DEF6: variants seen among roughly 807,000 people sequenced by gnomAD.
DEF6 encodes the protein DEF6 guanine nucleotide exchange factor, also known as differentially expressed in FDCP 6 homolog.
A neutral mutation model predicts 80.5 loss-of-function variants in DEF6; 32 were observed. The observed-to-expected ratio is 0.40, with a 90% CI of 0.30 to 0.53. The LOEUF (loss-of-function observed/expected upper bound fraction) is 0.53. Ranked by LOEUF, DEF6 falls within the 20% of genes least tolerant of loss-of-function variation. The probability of loss-of-function intolerance (pLI) is 0.57; values close to 1 mark genes in which losing one functional copy is unlikely to be tolerated. For synonymous variants in DEF6, 300 were observed against 337.9 expected (o/e 0.89, Z 1.23); for missense variants, 575 against 818.7 (o/e 0.70, Z 3.63).
In DEF6 at chr6:35,312,479, A is replaced by G; in HGVS notation, c.601A>G (p.Thr201Ala). 1.2e-6 allele frequency: 2 copies of G among 1,614,074 alleles called. No individual in the cohort carries two copies. Among genetic ancestry groups the G allele is most frequent in the Non-Finnish European group, 1.7e-6 (2 of 1,180,036 alleles). Residue 201 changes from threonine to alanine, a missense_variant, in exon 4 of 11, where the codon ACC becomes GCC. By Grantham distance (58) the Thr-to-Ala change is moderately conservative. Transcript: ENST00000316637. This position sits in a 1 kb window ranked among gnomAD's most constrained non-coding sequence, Gnocchi z 6.6. ...GRCLRGVGRD[T>A]LSMAIHEVYQ... ...CTGCCTGCGGGGCGTGGGCCGGGAC[A>G]CCCTCAGCATGGCCATCCACGAGGT... is the stretch of plus-strand genomic sequence containing the variant.
In DEF6 at chr6:35,312,600, G is replaced by A. The variant is rs1411287456; in HGVS notation, c.661-26G>A. 1 of 1,614,214 alleles carries A rather than the reference G, an allele frequency of 6.2e-7. No individual in the cohort carries two copies. Among genetic ancestry groups the A allele is most frequent in the Non-Finnish European group, 8.5e-7 (1 of 1,180,022 alleles). On this transcript the variant is annotated intron_variant, in intron 4 of 10. Coordinates refer to ENST00000316637, the MANE Select transcript of DEF6 (RefSeq NM_022047.4). The surrounding 1 kb of genome is among the most constrained non-coding windows in gnomAD (Gnocchi z 6.6). ...TGCAGGGCGAAGGGGGGCCTGGGAA[G>A]CCTCTGACGTAACTCCGGCTGGCAG...
chr6:35,309,909 ATAAAC>A, intron 2 of DEF6, 99 bp downstream of exon 2: 1 of 1,408,432 alleles, frequency 7.1e-7, no homozygotes. Context: ...CGCCCCTGCC[ATAAAC>A]TCCTACTTCT....
chr6:35,299,707 A>T (rs1247987284), intron 1 of DEF6, among the ~76,000 whole-genome samples: 2 of 152,136 alleles, frequency 1.3e-5, no homozygotes, highest in Non-Finnish European at 2.9e-5. Context: ...GTCACACAGG[A>T]TCAATTATAG....
intron 1 of DEF6, among the ~76,000 whole-genome samples, chr6:35,307,742 C>T (rs1440504045): frequency 6.6e-6 from 1 of 152,196 alleles, no homozygotes; most frequent in Non-Finnish European, 1.5e-5. Context: ...AGGAAATACT[C>T]CCTTCCTGGG....
chr6:35,313,045 TACTAC>T (rs1282934689), intron 5 of DEF6, among the ~76,000 whole-genome samples: 1 of 152,198 alleles, frequency 6.6e-6, no homozygotes, highest in African/African-American at 2.4e-5. Flanking sequence ...CTTATATCTA[TACTAC>T]ACAGCAAATC....
chr6:35,309,553 G>T (rs775261295), intron 1 of DEF6, 117 bp from the exon 2 acceptor site: 2 of 1,132,084 alleles, frequency 1.8e-6, no homozygotes, highest in Non-Finnish European at 2.6e-6. Context: ...ACTGAACAGT[G>T]TGTGTAGAGA....
At position 35,319,547 on chromosome 6, in the gene DEF6, G is replaced by A. The variant is rs759057789; in HGVS notation, c.1239G>A (p.Glu413=). 1.9e-6 allele frequency: 3 copies of A among 1,613,258 alleles called. No individual in the cohort carries two copies. Among genetic ancestry groups the A allele is most frequent in the Non-Finnish European group, 2.5e-6 (3 of 1,179,746 alleles). The stretch of plus-strand genomic sequence containing the variant: ...AGGCCCGGGCCTCCATGCAGGCTGA[G>A]ATGGAGCTGAAGGAGGAGGAGGCTG... ...AEQARASMQA[E]MELKEEEAAR... Residue 413 remains glutamate (E), a synonymous_variant, in exon 8 of 11, where the codon GAG becomes GAA. Coordinates refer to ENST00000316637, the MANE Select transcript of DEF6 (RefSeq NM_022047.4). This position sits in a 1 kb window ranked among gnomAD's most constrained non-coding sequence, Gnocchi z 4.5.
In DEF6 at chr6:35,297,959, G is replaced by A. The variant is rs1323162829; in HGVS notation, c.96+7G>A. On this transcript the variant is annotated splice_region_variant and intron_variant, in intron 1 of 10. Transcript: ENST00000316637. Reference sequence around the variant, plus strand: ...CTCCAAGTCCCAGCTCAAGGTGAGGGGCACCCGGGACCCGGGGGAGGACGG... The same window carrying A: ...CTCCAAGTCCCAGCTCAAGGTGAGGAGCACCCGGGACCCGGGGGAGGACGG... The A allele has an allele frequency of 1.3e-6, 2 of 1,589,846 alleles. No individual in the cohort carries two copies. Among genetic ancestry groups the A allele is most frequent in the African/African-American group, 2.7e-5 (2 of 74,722 alleles).
At position 35,315,847 on chromosome 6, in the gene DEF6, CT is replaced by C. The variant is rs1159503411; in HGVS notation, c.808-2022del. 6.6e-3 allele frequency among the ~76,000 whole-genome samples: 751 copies of C among 113,846 alleles called. 2 individuals carry two copies. Among genetic ancestry groups the C allele is most frequent in the Admixed American group, 0.038 (399 of 10,468 alleles). The allele number at this position is 113,846 out of a possible 152,430, so 74.7% of individuals were successfully genotyped here. On this transcript the variant is annotated intron_variant, in intron 5 of 10. Transcript: ENST00000316637. ...CTCTAACGGTTTTTTGTTGGAGTCC[CT>C]TTTTTTTTTTTTTTTTTTTTTGAGG...
chr6:35,316,854 T>C (rs1791530395), intron 5 of DEF6, among the ~76,000 whole-genome samples: 1 of 152,212 alleles, frequency 6.6e-6, no homozygotes, highest in Admixed American at 6.5e-5. Context: ...ACTCTGTACC[T>C]ACCAAGCAAT....
chr6:35,319,368 G>T lies in DEF6; in HGVS notation c.1216-156G>T, dbSNP rs923020177. ...ACCGACCATTATCTGTTCCAGTCAG[G>T]CTCTCAGAAAGGGGTCAGATCAGGA... is the stretch of plus-strand genomic sequence containing the variant. On this transcript the variant is annotated intron_variant, in intron 7 of 10. Transcript: ENST00000316637. The surrounding 1 kb of genome is among the most constrained non-coding windows in gnomAD (Gnocchi z 4.5). Among the ~76,000 whole-genome samples, 1 of 151,886 alleles carries T rather than the reference G, an allele frequency of 6.6e-6. No homozygotes were observed. The highest frequency in any genetic ancestry group is 2.4e-5 in the African/African-American group (1 of 41,292).
intron 5 of DEF6, among the ~76,000 whole-genome samples, chr6:35,313,932 G>T (rs1791495927): frequency 6.6e-6 from 1 of 151,994 alleles, no homozygotes; most frequent in African/African-American, 2.4e-5. Flanking sequence ...TCAATATATT[G>T]GTTTACTTTC....
rs754987228 is a variant in DEF6, at chr6:35,310,508, C to T, written c.287C>T (p.Thr96Met). The T allele has an allele frequency of 9.7e-5, 157 of 1,614,024 alleles. No individual in the cohort carries two copies. Among genetic ancestry groups the T allele is most frequent in the Non-Finnish European group, 1.2e-4 (147 of 1,180,048 alleles). The change falls in exon 3 of 11, where the codon ACG becomes ATG. Residue 96 changes from threonine to methionine, a missense_variant. By Grantham distance (81) the Thr-to-Met change is moderately conservative. Transcript: ENST00000316637. The part of the protein sequence containing the change: ...VKEHFDELCW[T>M]LTAKKNYRAD... ...GAGCACTTTGATGAGCTGTGCTGGA[C>T]GCTGACGGCCAAGAAGAACTATCGG... is the stretch of plus-strand genomic sequence containing the variant.
chr6:35,310,832 T>G (rs1384208928), intron 3 of DEF6, among the ~76,000 whole-genome samples, 188 bp downstream of exon 3: 3 of 152,216 alleles, frequency 2.0e-5, no homozygotes, highest in African/African-American at 7.2e-5. Flanking sequence ...AGAGTAATTT[T>G]GCCTTCTTCC....
intron 10 of DEF6, 104 bp from the exon 11 acceptor site, chr6:35,321,083 C>A: frequency 6.4e-7 from 1 of 1,551,510 alleles, no homozygotes; most frequent in Non-Finnish European, 8.8e-7. Context: ...AAAAGCAGGA[C>A]TGGCAGTCAG....
chr6:35,307,518 G>C (rs1222685799), intron 1 of DEF6, among the ~76,000 whole-genome samples: 1 of 152,228 alleles, frequency 6.6e-6, no homozygotes, highest in East Asian at 1.9e-4. Context: ...TTATTCTCTT[G>C]AGGTGGTCAC....
At chr6:35,303,548 C>T (rs1213684729) in intron 1 of DEF6, among the ~76,000 whole-genome samples, 1 of 152,184 alleles carries the variant, frequency 6.6e-6, no homozygotes, top group African/African-American at 2.4e-5. Flanking sequence ...GCAAATGTTT[C>T]TACCCTTGTG....
chr6:35,316,479 C>G (rs1379749968), intron 5 of DEF6, among the ~76,000 whole-genome samples: 1 of 152,142 alleles, frequency 6.6e-6, no homozygotes, highest in Non-Finnish European at 1.5e-5. Flanking sequence ...TTGTCTTGTT[C>G]CAGATCTTAG....
At chr6:35,320,167 T>C (rs1488547575) in intron 9 of DEF6, 150 bp downstream of exon 9, 2 of 707,424 alleles carry the variant, frequency 2.8e-6, no homozygotes, top group Non-Finnish European at 2.3e-6. Flanking sequence ...TTGGAGTTAG[T>C]CTCTCACCTG....
Sources: allele counts gnomAD v4.1 joint callset (sites outside exome capture counted in the v4.1 genomes callset), GRCh38; gene constraint gnomAD v4.1.1; non-coding constraint Gnocchi (gnomAD v3.1); transcripts MANE v1.5; gene names NCBI Gene and HGNC (gene_info 2026-07-23, HGNC 2026-07-21).